The following MARCHF1 variants were observed in gnomAD, a reference collection of about 807,000 sequenced individuals.
The protein encoded by MARCHF1 is E3 ubiquitin-protein ligase MARCHF1.
In MARCHF1, 40 loss-of-function variants were observed where a neutral mutation model predicts 54.2. That is an observed-to-expected ratio of 0.74 (90% confidence interval 0.57 to 0.96). MARCHF1 has a LOEUF of 0.96. Ranked by LOEUF, MARCHF1 falls within the 40% of genes least tolerant of loss-of-function variation. The pLI is 0.00. For missense variants in MARCHF1, 586 were observed against 656.5 expected (o/e 0.89, Z 1.17); for synonymous variants, 236 against 236.3 (o/e 1.00, Z 0.01).
intron 1 of MARCHF1, among the ~76,000 whole-genome samples, chr4:164,376,424 T>C (rs1444409339): frequency 1.3e-5 from 2 of 152,178 alleles, no homozygotes; most frequent in Non-Finnish European, 2.9e-5. Flanking sequence ...AAGTCATAAA[T>C]CTTAGGCCAG....
Position 164,206,395 on chromosome 4 carries a change from C to A in MARCHF1, c.-322-94733G>T, listed in dbSNP as rs192650225. Among the ~76,000 whole-genome samples, 486 of 152,254 alleles carry A rather than the reference C, an allele frequency of 3.2e-3. 1 individual carries two copies. Among genetic ancestry groups the A allele is most frequent in the African/African-American group, 0.011 (461 of 41,550 alleles). Reference sequence around the variant, plus strand: ...GAGGTTGCAGTGAGCCAAGGTCATGCCATTGTACTCCAGCCTGGGCAACAA... The same window carrying A: ...GAGGTTGCAGTGAGCCAAGGTCATGACATTGTACTCCAGCCTGGGCAACAA... On this transcript the variant is annotated intron_variant, in intron 1 of 9. Coordinates refer to ENST00000514618, the MANE Select transcript of MARCHF1 (RefSeq NM_001394959.1).
chr4:164,361,258 CT>C (rs1425604432), intron 1 of MARCHF1, among the ~76,000 whole-genome samples: 1 of 152,026 alleles, frequency 6.6e-6, no homozygotes, highest in African/African-American at 2.4e-5. Flanking sequence ...TGGACATTTC[CT>C]TTTATCAAAC....
chr4:164,013,457 G>A (rs746382651), intron 2 of MARCHF1, among the ~76,000 whole-genome samples: 8 of 152,102 alleles, frequency 5.3e-5, no homozygotes, highest in Non-Finnish European at 1.0e-4. Context: ...AAGGAGGATG[G>A]AAAGAGAAAG....
chr4:164,336,611 G>C (rs1374208083), intron 1 of MARCHF1, among the ~76,000 whole-genome samples: 3 of 152,090 alleles, frequency 2.0e-5, no homozygotes, highest in African/African-American at 7.2e-5. Flanking sequence ...CTTATGTTGA[G>C]GATAAATTTT....
chr4:163,599,614 T>C (rs1740891092), intron 7 of MARCHF1, among the ~76,000 whole-genome samples: 2 of 152,166 alleles, frequency 1.3e-5, no homozygotes, highest in Admixed American at 6.6e-5. Flanking sequence ...CACACTCTAT[T>C]GCAATTTATT....
chr4:163,634,251 A>G (rs897897478), intron 5 of MARCHF1, among the ~76,000 whole-genome samples: 2 of 151,376 alleles, frequency 1.3e-5, no homozygotes, highest in African/African-American at 4.9e-5. Flanking sequence ...TAACAATATT[A>G]ACTTTAAATG....
At chr4:163,732,063 G>A (rs918292266) in intron 4 of MARCHF1, among the ~76,000 whole-genome samples, 7 of 151,998 alleles carry the variant, frequency 4.6e-5, no homozygotes, top group Non-Finnish European at 7.4e-5. Context: ...AAAGAAGTAG[G>A]AAATATGTCC....
In MARCHF1 at chr4:163,594,786, A is replaced by C. The variant is rs186443425; in HGVS notation, c.1011-8857T>G. Among the ~76,000 whole-genome samples the C allele has an allele frequency of 2.1e-3, 324 of 151,552 alleles. 3 individuals are homozygous for C. The highest frequency in any genetic ancestry group is 6.3e-3 in the African/African-American group (259 of 41,224). ...CACACACACACACACACACACACAC[A>C]CCCAAACCCAAACAAGATAAATGCT... is the stretch of plus-strand genomic sequence containing the variant. On this transcript the variant is annotated intron_variant, in intron 7 of 9. Transcript: ENST00000514618.
At chr4:164,136,644 C>T (rs540503995) in intron 1 of MARCHF1, among the ~76,000 whole-genome samples, 70 of 152,268 alleles carry the variant, frequency 4.6e-4, no homozygotes, top group East Asian at 9.7e-4. Context: ...CTGCTTGGGA[C>T]GCCTCAACCA....
chr4:164,312,642 T>A (rs866901648), intron 1 of MARCHF1, among the ~76,000 whole-genome samples: 2 of 152,098 alleles, frequency 1.3e-5, no homozygotes, highest in South Asian at 4.1e-4. Context: ...TTTACACTAA[T>A]CTTAACTATC....
At chr4:164,346,401 C>T (rs979340568) in intron 1 of MARCHF1, among the ~76,000 whole-genome samples, 4 of 151,960 alleles carry the variant, frequency 2.6e-5, no homozygotes, top group Non-Finnish European at 5.9e-5. Flanking sequence ...TAATTTTCTA[C>T]AATCCACTGT....
chr4:164,340,405 T>TTTTATATATATATATATATATATATATC (rs1327005165), intron 1 of MARCHF1, among the ~76,000 whole-genome samples: 1 of 95,650 alleles, frequency 1.0e-5, no homozygotes, highest in Non-Finnish European at 2.2e-5. Flanking sequence ...AGGCCTTGAT[T>TTTTATATATATATATATATATATATATC]TATATATAGA....
intron 1 of MARCHF1, among the ~76,000 whole-genome samples, chr4:164,228,254 G>A (rs564809304): frequency 3.9e-5 from 6 of 152,182 alleles, no homozygotes; most frequent in Admixed American, 2.0e-4. Flanking sequence ...TGATGACAGC[G>A]GGTTAAATTT....
chr4:164,183,341 A>C (rs1437670065), intron 1 of MARCHF1, among the ~76,000 whole-genome samples: 1 of 152,158 alleles, frequency 6.6e-6, no homozygotes, highest in Admixed American at 6.6e-5. Context: ...TTATCTGTTC[A>C]AATCTTTACT....
chr4:163,883,423 G>A (rs1359013877), intron 3 of MARCHF1, among the ~76,000 whole-genome samples: 1 of 147,952 alleles, frequency 6.8e-6, no homozygotes, highest in Non-Finnish European at 1.5e-5. Flanking sequence ...GTTCTGAACT[G>A]AATTCTTTAT....
At chr4:164,117,086 C>T (rs1168977981) in intron 1 of MARCHF1, among the ~76,000 whole-genome samples, 2 of 151,804 alleles carry the variant, frequency 1.3e-5, no homozygotes, top group Admixed American at 6.6e-5. Flanking sequence ...GGTGAAACCT[C>T]GTCTCTACTA....
intron 3 of MARCHF1, among the ~76,000 whole-genome samples, chr4:163,872,632 T>A (rs1167951910): frequency 5.3e-5 from 8 of 152,224 alleles, no homozygotes; most frequent in Non-Finnish European, 1.5e-5. Context: ...AAATTCGTGT[T>A]TTACTTTCAA....
intron 3 of MARCHF1, among the ~76,000 whole-genome samples, chr4:163,909,560 GCT>G (rs1751145568): frequency 6.6e-6 from 1 of 152,190 alleles, no homozygotes; most frequent in Admixed American, 6.5e-5. Flanking sequence ...GGAGGAGTAT[GCT>G]TCATAGCACA....
At chr4:163,530,092 A>G (rs1037629393) in intron 9 of MARCHF1, 2 of 151,988 alleles carry the variant, frequency 1.3e-5, no homozygotes, top group African/African-American at 2.4e-5. Context: ...GAAATATCCT[A>G]TCTATATTTT....
Sources: allele counts gnomAD v4.1 joint callset (sites outside exome capture counted in the v4.1 genomes callset), GRCh38; gene constraint gnomAD v4.1.1; transcripts MANE v1.5; gene names NCBI Gene and HGNC (gene_info 2026-07-23, HGNC 2026-07-21).